INPP5A: variants seen among roughly 807,000 people sequenced by gnomAD.
The protein encoded by INPP5A is inositol polyphosphate-5-phosphatase A.
INPP5A carries 14 observed loss-of-function variants against 65.2 expected under a neutral mutation model. The ratio of observed to expected loss-of-function variants is 0.21; its 90% CI spans 0.14 to 0.34. The LOEUF (loss-of-function observed/expected upper bound fraction) is 0.34, where lower values mean the gene tolerates loss of function less well. INPP5A is among the 10% of genes least tolerant of loss of function. The probability of loss-of-function intolerance (pLI) is 1.00; values close to 1 mark genes in which losing one functional copy is unlikely to be tolerated. For missense variants in INPP5A, 431 were observed against 545.6 expected (o/e 0.79, Z 2.09); for synonymous variants, 207 against 208.3 (o/e 0.99, Z 0.05).
Position 132,782,409 on chromosome 10 carries a change from C to T in INPP5A, c.*380C>T. Reference sequence around the variant, plus strand: ...GAGACCCCCCACTGTGTCCAGGGACCCCCTCTGCCAGGTGGAGGTGTGTCC... The same window carrying T: ...GAGACCCCCCACTGTGTCCAGGGACTCCCTCTGCCAGGTGGAGGTGTGTCC... On this transcript the variant is annotated 3_prime_UTR_variant, in exon 16 of 16. Coordinates refer to ENST00000368594, the MANE Select transcript of INPP5A (RefSeq NM_005539.5). The surrounding 1 kb of genome is among the most constrained non-coding windows in gnomAD (Gnocchi z 4.4). 1 of 287,288 alleles carries T rather than the reference C, an allele frequency of 3.5e-6. No homozygotes were observed. The highest frequency in any genetic ancestry group is 6.8e-6 in the Non-Finnish European group (1 of 147,978). 17.8% of individuals were successfully genotyped at this position (287,288 alleles called of 1,614,324 possible). A position where few individuals can be genotyped will look rare whatever the true frequency, so the allele number is the denominator to read the frequency against.
rs749922227 is a variant in INPP5A, at chr10:132,749,552, G to C, written c.768G>C (p.Arg256=). ...CAAAAGCCACCATGCAGACGGTCCG[G>C]GCCGCCGACACCAATGAAGTGGTGA... is the stretch of plus-strand genomic sequence containing the variant. The part of the protein sequence containing the change: ...LCTKATMQTV[R]AADTNEVVKL... The change falls in exon 10 of 16, where the codon CGG becomes CGC. Residue 256 remains arginine (R), a synonymous_variant. Coordinates refer to ENST00000368594, the MANE Select transcript of INPP5A (RefSeq NM_005539.5). 1.2e-6 allele frequency: 2 copies of C among 1,612,906 alleles called. No homozygotes were observed. Among genetic ancestry groups the C allele is most frequent in the Non-Finnish European group, 1.7e-6 (2 of 1,180,030 alleles).
chr10:132,686,936 TTTTTAA>T (rs1360642221), intron 4 of INPP5A, among the ~76,000 whole-genome samples: 1 of 152,210 alleles, frequency 6.6e-6, no homozygotes, highest in Admixed American at 6.5e-5. Context: ...GAACACTGGC[TTTTTAA>T]TTTTAATTTT....
In INPP5A at chr10:132,659,222, G is replaced by A. The variant is rs79998195; in HGVS notation, c.306+8717G>A. ...ACAGGGGTTCAGATTGAGGCCTGGG[G>A]CTGAGGAAGCAGGAAGTCCTGTCAG... On this transcript the variant is annotated intron_variant, in intron 4 of 15. Transcript: ENST00000368594. The surrounding 1 kb of genome is among the most constrained non-coding windows in gnomAD (Gnocchi z 5.5). Among the ~76,000 whole-genome samples, 418 of 152,364 alleles carry A rather than the reference G, an allele frequency of 2.7e-3. 6 individuals carry two copies. The highest frequency in any genetic ancestry group is 0.024 in the East Asian group (123 of 5,180).
intron 4 of INPP5A, among the ~76,000 whole-genome samples, chr10:132,681,492 C>T (rs1441212631): frequency 6.6e-6 from 1 of 152,148 alleles, no homozygotes; most frequent in Non-Finnish European, 1.5e-5. Flanking sequence ...GAACAAACCC[C>T]GGACACGCCG....
chr10:132,649,177 G>A (rs2072539240), intron 3 of INPP5A, among the ~76,000 whole-genome samples: 1 of 152,184 alleles, frequency 6.6e-6, no homozygotes, highest in African/African-American at 2.4e-5. Flanking sequence ...CATGCAGTCA[G>A]TTCGTTTTAT....
At chr10:132,746,699 G>A (rs577811235) in intron 9 of INPP5A, among the ~76,000 whole-genome samples, 33 of 152,354 alleles carry the variant, frequency 2.2e-4, no homozygotes, top group African/African-American at 7.9e-4. Context: ...TCTTTCCAGA[G>A]CCTCTCCTTG....
rs1368516489 is a variant in INPP5A at position 132,704,177 on chromosome 10, C to T, written c.475-4136C>T. On this transcript the variant is annotated intron_variant, in intron 6 of 15. Coordinates refer to ENST00000368594, the MANE Select transcript of INPP5A (RefSeq NM_005539.5). This position sits in a 1 kb window ranked among gnomAD's most constrained non-coding sequence, Gnocchi z 4.5. ...AGGCACGGAAGATGAGCTGCTGGTG[C>T]TCTAGGGGAGTCGTGTATTGAGGCG... 2.0e-5 allele frequency among the ~76,000 whole-genome samples: 3 copies of T among 152,062 alleles called. No individual in the cohort carries two copies. The highest frequency in any genetic ancestry group is 4.4e-5 in the Non-Finnish European group (3 of 68,022).
rs767177609 is a variant in INPP5A, at chr10:132,749,479, C to G, written c.733-38C>G. 2.3e-5 allele frequency: 36 copies of G among 1,580,936 alleles called. No homozygotes were observed. The African/African-American group carries it at 4.3e-4, about 19-fold the overall frequency. On this transcript the variant is annotated intron_variant, in intron 9 of 15. Coordinates refer to ENST00000368594, the MANE Select transcript of INPP5A (RefSeq NM_005539.5). ...GGTGACGCTGCCATGGGCAGGTGGGCCCCCCTGGGACTTATCTCCGTTGCT... is the reference window on the plus strand; with the variant it reads ...GGTGACGCTGCCATGGGCAGGTGGGGCCCCCTGGGACTTATCTCCGTTGCT...
intron 2 of INPP5A, among the ~76,000 whole-genome samples, chr10:132,638,351 C>G (rs565033534): frequency 1.3e-5 from 2 of 152,278 alleles, no homozygotes; most frequent in African/African-American, 4.8e-5. Context: ...GAATCTTCAG[C>G]CTCCGGACTT....
intron 9 of INPP5A, among the ~76,000 whole-genome samples, chr10:132,736,493 C>T (rs987054566): frequency 3.9e-4 from 60 of 152,230 alleles, no homozygotes; most frequent in African/African-American, 1.4e-3. Context: ...CAGAAGGAGC[C>T]GTCCTCGGAG....
At chr10:132,641,201 A>G (rs555095605) in intron 2 of INPP5A, among the ~76,000 whole-genome samples, 1 of 152,364 alleles carries the variant, frequency 6.6e-6, no homozygotes, top group East Asian at 1.9e-4. Flanking sequence ...TGTTTGTCCA[A>G]GAAAGGCAGG....
At chr10:132,693,524 A>G (rs1173942986) in intron 5 of INPP5A, among the ~76,000 whole-genome samples, 4 of 152,232 alleles carry the variant, frequency 2.6e-5, no homozygotes, top group Non-Finnish European at 5.9e-5. Context: ...GGCCAAAAGA[A>G]AGCTGGAGGA....
intron 1 of INPP5A, among the ~76,000 whole-genome samples, chr10:132,578,145 T>C (rs1280259930): frequency 6.6e-6 from 1 of 152,242 alleles, no homozygotes; most frequent in African/African-American, 2.4e-5. Context: ...GAGATTATTA[T>C]GCTCTCTACA....
intron 6 of INPP5A, among the ~76,000 whole-genome samples, chr10:132,699,362 T>TGG (rs57176794): frequency 0.019 from 1,844 of 98,828 alleles, 29 homozygotes; most frequent in Admixed American, 0.044. Context: ...GGTGCTGGGG[T>TGG]GGGGGGGGGC....
intron 9 of INPP5A, among the ~76,000 whole-genome samples, chr10:132,742,899 G>C (rs12766166): frequency 0.19 from 28,932 of 152,148 alleles, 2,883 homozygotes; most frequent in Non-Finnish European, 0.22. Flanking sequence ...ATTTCTTTTA[G>C]AAGAGTTTCT....
At chr10:132,689,199 A>G (rs772009882) in intron 4 of INPP5A, among the ~76,000 whole-genome samples, 1 of 152,200 alleles carries the variant, frequency 6.6e-6, no homozygotes, top group Non-Finnish European at 1.5e-5. Context: ...AGCTGAGGAC[A>G]GGCCCTGTTC....
intron 1 of INPP5A, among the ~76,000 whole-genome samples, chr10:132,607,552 G>A (rs1036722135): frequency 2.6e-5 from 4 of 152,250 alleles, no homozygotes; most frequent in African/African-American, 7.2e-5. Flanking sequence ...CCACCGTCTT[G>A]CTTGTTGAAG....
At chr10:132,683,993 G>C (rs1293672745) in intron 4 of INPP5A, among the ~76,000 whole-genome samples, 1 of 152,220 alleles carries the variant, frequency 6.6e-6, no homozygotes, top group African/African-American at 2.4e-5. Context: ...AAGATTATAG[G>C]TGTGAGCCAC....
intron 5 of INPP5A, among the ~76,000 whole-genome samples, chr10:132,694,060 A>G (rs1845309343): frequency 6.6e-6 from 1 of 152,376 alleles, no homozygotes; most frequent in South Asian, 2.1e-4. Context: ...TACCTCATCC[A>G]GTAACAGCAG....
Sources: allele counts gnomAD v4.1 joint callset (sites outside exome capture counted in the v4.1 genomes callset), GRCh38; gene constraint gnomAD v4.1.1; non-coding constraint Gnocchi (gnomAD v3.1); transcripts MANE v1.5; gene names NCBI Gene and HGNC (gene_info 2026-07-23, HGNC 2026-07-21).